Variants in LY86 observed in about 807,000 individuals in gnomAD.
LY86 encodes the protein MD-1, RP105-associated.
LY86 carries 20 observed loss-of-function variants against 17.3 expected under a neutral mutation model. The ratio of observed to expected loss-of-function variants is 1.15; its 90% CI spans 0.81 to 1.68. LY86 has a LOEUF of 1.68. LY86 is among the 40% of genes most tolerant of loss of function. The pLI is 0.00. For missense variants in LY86, 200 were observed against 191.9 expected, an observed-to-expected ratio of 1.04 and a Z score of -0.25; for synonymous variants, 74 against 70.6, an observed-to-expected ratio of 1.05 and a Z score of -0.24.
intron 1 of LY86, among the ~76,000 whole-genome samples, chr6:6,612,556 A>G (rs1294115022): frequency 1.3e-5 from 2 of 152,008 alleles, no homozygotes; most frequent in Non-Finnish European, 2.9e-5. Flanking sequence ...CGAAACAACC[A>G]GTTGTCACTA....
chr6:6,592,695 C>A (rs1760566330), intron 1 of LY86, among the ~76,000 whole-genome samples: 1 of 151,882 alleles, frequency 6.6e-6, no homozygotes, highest in Non-Finnish European at 1.5e-5. Flanking sequence ...AAGAAGAGGC[C>A]AGAGATCTCT....
At chr6:6,630,304 C>T (rs1343324066) in intron 3 of LY86, among the ~76,000 whole-genome samples, 3 of 152,184 alleles carry the variant, frequency 2.0e-5, no homozygotes, top group African/African-American at 7.2e-5. Context: ...CAAAGAGTTG[C>T]GTAGAATATC....
chr6:6,605,696 A>T (rs1177020982), intron 1 of LY86, among the ~76,000 whole-genome samples: 1 of 152,116 alleles, frequency 6.6e-6, no homozygotes, highest in Admixed American at 6.5e-5. Flanking sequence ...GGACTTAAAG[A>T]ATGAAGCCGC....
chr6:6,636,388 T>C (rs758511951), intron 3 of LY86, among the ~76,000 whole-genome samples: 3 of 152,206 alleles, frequency 2.0e-5, no homozygotes, highest in Non-Finnish European at 4.4e-5. Context: ...TAGAATGGCG[T>C]TCTGCACACA....
intron 1 of LY86, among the ~76,000 whole-genome samples, chr6:6,618,902 G>A (rs542103295): frequency 1.3e-5 from 2 of 152,310 alleles, no homozygotes; most frequent in East Asian, 3.9e-4. Flanking sequence ...TTACCACATT[G>A]TAAATTATTT....
At chr6:6,591,046 T>C (rs1760510828) in intron 1 of LY86, 1 of 153,612 alleles carries the variant, frequency 6.5e-6, no homozygotes, top group South Asian at 2.1e-4. Flanking sequence ...CCATTCATTT[T>C]CAGTGCAGGA....
intron 3 of LY86, among the ~76,000 whole-genome samples, chr6:6,644,687 T>C (rs1762085790): frequency 6.6e-6 from 1 of 151,592 alleles, no homozygotes; most frequent in Admixed American, 6.6e-5. Context: ...TGACTTCAAG[T>C]GTTCAGAACC....
intron 3 of LY86, among the ~76,000 whole-genome samples, chr6:6,639,529 G>A (rs1397786089): frequency 6.6e-6 from 1 of 152,152 alleles, no homozygotes; most frequent in African/African-American, 2.4e-5. Flanking sequence ...TCTTCTGGAG[G>A]CCCAGGGAAA....
intron 3 of LY86, among the ~76,000 whole-genome samples, chr6:6,647,106 A>T (rs1023747987): frequency 6.6e-6 from 1 of 152,144 alleles, no homozygotes. Context: ...CAGGAGCCCC[A>T]CTATTGGTTT....
intron 1 of LY86, among the ~76,000 whole-genome samples, chr6:6,609,719 G>A (rs1261456467): frequency 1.3e-5 from 2 of 152,066 alleles, no homozygotes; most frequent in Non-Finnish European, 2.9e-5. Context: ...ATTGGAGGCA[G>A]CCACGGACAA....
At position 6,623,970 on chromosome 6, in the gene LY86, C is replaced by T. The variant is rs543588044; in HGVS notation, c.137-956C>T. Among the ~76,000 whole-genome samples, 6 of 152,280 alleles carry T rather than the reference C, an allele frequency of 3.9e-5. No homozygotes were observed. The South Asian group carries it at 6.2e-4, about 16-fold the overall frequency. ...ACACTTTACCAAGAATGCCAGACATCGCTGTTTTAAGAGTTCAAGGAAGCA... is the reference window on the plus strand; with the variant it reads ...ACACTTTACCAAGAATGCCAGACATTGCTGTTTTAAGAGTTCAAGGAAGCA... On this transcript the variant is annotated intron_variant, in intron 1 of 4. Transcript: ENST00000230568.
chr6:6,604,593 G>A (rs961744201), intron 1 of LY86, among the ~76,000 whole-genome samples: 6 of 151,574 alleles, frequency 4.0e-5, no homozygotes, highest in Admixed American at 3.3e-4. Flanking sequence ...AAGAAAATAG[G>A]GGAAAAGGCA....
intron 1 of LY86, among the ~76,000 whole-genome samples, chr6:6,604,965 T>C (rs913292447): frequency 1.3e-5 from 2 of 152,050 alleles, no homozygotes; most frequent in Non-Finnish European, 2.9e-5. Context: ...GAATTCTATA[T>C]ACAGTATAGC....
chr6:6,626,602 T>C (rs1283803354), intron 3 of LY86, among the ~76,000 whole-genome samples, 181 bp downstream of exon 3: 1 of 152,220 alleles, frequency 6.6e-6, no homozygotes, highest in East Asian at 1.9e-4. Context: ...TCCATAGGCC[T>C]ACCTTACAGG....
intron 1 of LY86, among the ~76,000 whole-genome samples, chr6:6,606,766 G>C (rs143555106): frequency 0.056 from 8,564 of 152,168 alleles, 551 homozygotes; most frequent in African/African-American, 0.16. Flanking sequence ...GCGCTGGCCC[G>C]CAAGCGCCGC....
At chr6:6,612,571 A>C (rs1018047065) in intron 1 of LY86, among the ~76,000 whole-genome samples, 1 of 151,636 alleles carries the variant, frequency 6.6e-6, no homozygotes, top group East Asian at 2.0e-4. Context: ...TCACTAGTGG[A>C]GCCTGCAGCC....
intron 1 of LY86, among the ~76,000 whole-genome samples, chr6:6,611,209 G>A (rs546504018): frequency 1.3e-5 from 2 of 152,300 alleles, no homozygotes; most frequent in Non-Finnish European, 2.9e-5. Context: ...GTTGACAAAC[G>A]TGAAGTTCCC....
At chr6:6,627,928 AAAC>A (rs1307501261) in intron 3 of LY86, among the ~76,000 whole-genome samples, 2 of 152,362 alleles carry the variant, frequency 1.3e-5, no homozygotes, top group African/African-American at 4.8e-5. Context: ...ATAAAAGAAC[AAAC>A]AATACAACAA....
At chr6:6,606,025 G>T (rs537451845) in intron 1 of LY86, among the ~76,000 whole-genome samples, 1 of 152,190 alleles carries the variant, frequency 6.6e-6, no homozygotes, top group African/African-American at 2.4e-5. Flanking sequence ...AACTTCCACA[G>T]CACGTAATAC....
Sources: allele counts gnomAD v4.1 joint callset (sites outside exome capture counted in the v4.1 genomes callset), GRCh38; gene constraint gnomAD v4.1.1; transcripts MANE v1.5; gene names NCBI Gene and HGNC (gene_info 2026-07-23, HGNC 2026-07-21).